Variants in RABGAP1L observed in about 807,000 individuals in gnomAD.
RABGAP1L encodes rab GTPase-activating protein 1-like.
In RABGAP1L, 63 loss-of-function variants were observed where a neutral mutation model predicts 137.7. The ratio of observed to expected loss-of-function variants is 0.46; its 90% CI spans 0.37 to 0.56. The LOEUF (loss-of-function observed/expected upper bound fraction) is 0.56, where lower values mean the gene tolerates loss of function less well. Among genes scored for constraint, RABGAP1L ranks in the 20% least tolerant of loss-of-function variants. The probability of loss-of-function intolerance (pLI) is 0.00; values close to 1 mark genes in which losing one functional copy is unlikely to be tolerated. For missense variants in RABGAP1L, 1,095 were observed against 1,244.0 expected, an observed-to-expected ratio of 0.88 and a Z score of 1.80; for synonymous variants, 431 against 433.7, an observed-to-expected ratio of 0.99 and a Z score of 0.08.
chr1:174,324,856 C>A (rs994713042), intron 11 of RABGAP1L, among the ~76,000 whole-genome samples: 6 of 152,054 alleles, frequency 3.9e-5, no homozygotes, highest in Admixed American at 6.6e-5. Flanking sequence ...AAAATCTGTT[C>A]TTACAAGTTC....
intron 10 of RABGAP1L, among the ~76,000 whole-genome samples, chr1:174,282,333 A>G (rs1429736370): frequency 2.0e-5 from 3 of 152,148 alleles, no homozygotes; most frequent in Non-Finnish European, 2.9e-5. Flanking sequence ...AGCTATTCTT[A>G]GGGGTGTGTA....
intron 13 of RABGAP1L, among the ~76,000 whole-genome samples, chr1:174,617,093 G>A (rs1036351818): frequency 6.6e-6 from 1 of 152,146 alleles, no homozygotes; most frequent in African/African-American, 2.4e-5. Context: ...CAGCAGCTAG[G>A]ATGTATATTT....
intron 1 of RABGAP1L, among the ~76,000 whole-genome samples, chr1:174,202,257 A>G (rs1215400045): frequency 1.3e-5 from 2 of 152,158 alleles, no homozygotes; most frequent in African/African-American, 4.8e-5. Flanking sequence ...ACTAGTTTAC[A>G]GTCCCACCAA....
At chr1:174,696,376 CT>C (rs1679262055) in intron 15 of RABGAP1L, among the ~76,000 whole-genome samples, 3 of 151,996 alleles carry the variant, frequency 2.0e-5, no homozygotes, top group Admixed American at 6.6e-5. Context: ...GCCACTCTTA[CT>C]TTTTTGTTGT....
At chr1:174,800,522 CT>C in intron 18 of RABGAP1L, 1 of 1,548,882 alleles carries the variant, frequency 6.5e-7, no homozygotes, top group Non-Finnish European at 8.7e-7. Context: ...TTTCATTGAA[CT>C]TCATTTGTAG....
At chr1:174,814,651 C>CCTTA (rs1351550854) in intron 19 of RABGAP1L, among the ~76,000 whole-genome samples, 1 of 151,804 alleles carries the variant, frequency 6.6e-6, no homozygotes, top group African/African-American at 2.4e-5. Context: ...AGATACTTAC[C>CCTTA]CTTACACTGA....
chr1:174,895,666 C>T (rs543264209), intron 19 of RABGAP1L, among the ~76,000 whole-genome samples: 6 of 151,204 alleles, frequency 4.0e-5, no homozygotes, highest in Admixed American at 2.0e-4. Context: ...TTGTTCAGTT[C>T]CCACCTATGA....
chr1:174,179,502 G>A (rs1451332841), intron 1 of RABGAP1L, among the ~76,000 whole-genome samples: 1 of 151,778 alleles, frequency 6.6e-6, no homozygotes, highest in Non-Finnish European at 1.5e-5. Context: ...CAAAAGGTTG[G>A]AGATAATTTT....
intron 18 of RABGAP1L, among the ~76,000 whole-genome samples, chr1:174,756,338 C>T (rs548880367): frequency 7.9e-5 from 12 of 151,936 alleles, no homozygotes; most frequent in Non-Finnish European, 1.3e-4. Flanking sequence ...TTAGTAGAGA[C>T]GGGGTTTCAC....
At chr1:174,893,198 A>T (rs12057161) in intron 19 of RABGAP1L, 7,039 of 165,250 alleles carry the variant, frequency 0.043, 541 homozygotes, top group African/African-American at 0.16. Context: ...TAATTTCTTC[A>T]AGAATCAGAT....
intron 13 of RABGAP1L, among the ~76,000 whole-genome samples, chr1:174,399,034 A>G (rs1648225177): frequency 6.6e-6 from 1 of 152,172 alleles, no homozygotes; most frequent in Admixed American, 6.6e-5. Flanking sequence ...TCTATTGTTA[A>G]TACAGTTATC....
chr1:174,763,650 CAAAAAAAAAAAAAAAAAAAAA>C (rs1165876748), intron 18 of RABGAP1L, among the ~76,000 whole-genome samples: 29 of 13,120 alleles, frequency 2.2e-3, no homozygotes, highest in Admixed American at 4.6e-3. Context: ...GACTCCGTCT[CAAAAAAAAAAAAAAAAAAAAA>C]AAAAAAAAAA....
At chr1:174,753,958 A>ACT (rs2148681122) in intron 18 of RABGAP1L, among the ~76,000 whole-genome samples, 1 of 152,264 alleles carries the variant, frequency 6.6e-6, no homozygotes, top group East Asian at 1.9e-4. Flanking sequence ...GTAACCCAGG[A>ACT]CTACCTCTCT....
chr1:174,894,039 T>A (rs960430715), intron 19 of RABGAP1L, among the ~76,000 whole-genome samples: 1 of 152,232 alleles, frequency 6.6e-6, no homozygotes, highest in African/African-American at 2.4e-5. Flanking sequence ...CAGGTGCATT[T>A]ACTGAGCTAT....
At chr1:174,602,121 T>C (rs1349857181) in intron 13 of RABGAP1L, among the ~76,000 whole-genome samples, 1 of 152,184 alleles carries the variant, frequency 6.6e-6, no homozygotes, top group Non-Finnish European at 1.5e-5. Context: ...CACTTCCATA[T>C]TTTCGGGTAT....
chr1:174,816,734 C>CTTTTT (rs59080997), intron 19 of RABGAP1L, among the ~76,000 whole-genome samples: 1 of 138,312 alleles, frequency 7.2e-6, no homozygotes, highest in Non-Finnish European at 1.5e-5. Context: ...AGAAACAAGT[C>CTTTTT]TTTTTTTTTT....
intron 24 of RABGAP1L, among the ~76,000 whole-genome samples, chr1:174,984,838 A>C (rs1010928307): frequency 6.6e-6 from 1 of 152,166 alleles, no homozygotes; most frequent in Non-Finnish European, 1.5e-5. Context: ...TAGACCAAAA[A>C]AGGCTTTATG....
intron 13 of RABGAP1L, among the ~76,000 whole-genome samples, chr1:174,439,243 G>T (rs1653851091): frequency 6.6e-6 from 1 of 152,032 alleles, no homozygotes. Context: ...GGTTGAGGAA[G>T]TTTTCTTTTG....
intron 5 of RABGAP1L, 64 bp from the exon 6 acceptor site, chr1:174,250,411 G>C: frequency 1.6e-6 from 2 of 1,279,000 alleles, no homozygotes; most frequent in Non-Finnish European, 2.2e-6. Flanking sequence ...AGAGTTAGGA[G>C]AGAAGGATAT....
Sources: gnomAD v4.1 joint callset for allele counts (sites outside exome capture counted in the v4.1 genomes callset) on GRCh38, gnomAD v4.1.1 for gene constraint, MANE v1.5 for transcripts, NCBI Gene and HGNC (gene_info 2026-07-23, HGNC 2026-07-21) for gene names.